The following GRM7 variants were observed in gnomAD, a reference collection of about 807,000 sequenced individuals.
GRM7 encodes glutamate metabotropic receptor 7, also known as metabotropic glutamate receptor 7.
In GRM7, 35 loss-of-function variants were observed where a neutral mutation model predicts 84.5. The ratio of observed to expected loss-of-function variants is 0.41; its 90% CI spans 0.32 to 0.55. The LOEUF (loss-of-function observed/expected upper bound fraction) is 0.55, where lower values mean the gene tolerates loss of function less well. Among genes scored for constraint, GRM7 ranks in the 20% least tolerant of loss-of-function variants. The pLI, the probability that GRM7 is intolerant of heterozygous loss-of-function variation, is 0.19. For missense variants in GRM7, 1,003 were observed against 1,194.6 expected (o/e 0.84, Z 2.36); for synonymous variants, 487 against 455.1 (o/e 1.07, Z -0.89).
chr3:7,091,440 G>A (rs960062253), intron 1 of GRM7, among the ~76,000 whole-genome samples: 7 of 151,948 alleles, frequency 4.6e-5, no homozygotes, highest in Non-Finnish European at 8.8e-5. Context: ...CTTGTAAATG[G>A]CTGCAAAGCA....
intron 1 of GRM7, among the ~76,000 whole-genome samples, chr3:7,100,928 C>T (rs1699089372): frequency 6.6e-6 from 1 of 151,656 alleles, no homozygotes; most frequent in Non-Finnish European, 1.5e-5. Flanking sequence ...TGTGCATTAG[C>T]AGTTTGTTTC....
chr3:7,582,278 C>G (rs980340228), intron 8 of GRM7, among the ~76,000 whole-genome samples: 1 of 152,176 alleles, frequency 6.6e-6, no homozygotes, highest in African/African-American at 2.4e-5. Context: ...AGGGAACATA[C>G]AGGCTACCCG....
At chr3:7,131,059 T>G (rs1269491722) in intron 1 of GRM7, among the ~76,000 whole-genome samples, 1 of 152,172 alleles carries the variant, frequency 6.6e-6, no homozygotes, top group East Asian at 1.9e-4. Context: ...TTCCAAAAGC[T>G]TTATTATTTA....
chr3:7,131,391 G>A (rs933489981), intron 1 of GRM7, among the ~76,000 whole-genome samples: 42 of 152,094 alleles, frequency 2.8e-4, no homozygotes, highest in Non-Finnish European at 1.6e-4. Context: ...GAGGTATTTG[G>A]GTCTCAGTAG....
At chr3:7,217,587 C>T (rs1696657204) in intron 2 of GRM7, among the ~76,000 whole-genome samples, 1 of 151,332 alleles carries the variant, frequency 6.6e-6, no homozygotes, top group South Asian at 2.1e-4. Flanking sequence ...ATTGTGTTTT[C>T]CTCATCTGTC....
intron 1 of GRM7, among the ~76,000 whole-genome samples, chr3:7,085,083 T>G (rs1475353375): frequency 6.6e-6 from 1 of 152,150 alleles, no homozygotes; most frequent in African/African-American, 2.4e-5. Context: ...CTGGGTTGCT[T>G]TAGAAGTCCA....
At chr3:6,884,893 C>T (rs1166283544) in intron 1 of GRM7, among the ~76,000 whole-genome samples, 2 of 152,120 alleles carry the variant, frequency 1.3e-5, no homozygotes, top group South Asian at 2.1e-4. Context: ...CCACCGCGCC[C>T]GGCCAGACAC....
At chr3:7,222,369 G>C (rs7648361) in intron 2 of GRM7, among the ~76,000 whole-genome samples, 2,496 of 152,020 alleles carry the variant, frequency 0.016, 51 homozygotes, top group African/African-American at 0.048. Flanking sequence ...CCCCCACCGC[G>C]AACTGACTTT....
At chr3:7,656,543 GCGCGCACACACA>G (rs1385538246) in intron 8 of GRM7, among the ~76,000 whole-genome samples, 23 of 119,972 alleles carry the variant, frequency 1.9e-4, no homozygotes, top group Admixed American at 7.1e-4. Context: ...ATATATACGC[GCGCGCACACACA>G]CACACACACA....
intron 7 of GRM7, among the ~76,000 whole-genome samples, chr3:7,492,270 G>T (rs965175134): frequency 1.3e-5 from 2 of 152,094 alleles, no homozygotes; most frequent in African/African-American, 4.8e-5. Context: ...TCTAAAACAG[G>T]CAAAATTGGT....
At chr3:7,701,087 G>A (rs1381524422) in intron 9 of GRM7, among the ~76,000 whole-genome samples, 1 of 152,128 alleles carries the variant, frequency 6.6e-6, no homozygotes, top group Non-Finnish European at 1.5e-5. Flanking sequence ...GGAGACTGCC[G>A]ATATATGATG....
rs192665817 is a variant in GRM7, at chr3:7,025,480, T to A, written c.520-120972T>A. Among the ~76,000 whole-genome samples the A allele has an allele frequency of 3.9e-5, 6 of 152,300 alleles. No homozygotes were observed. In the East Asian group the frequency reaches 1.2e-3, roughly 29 times the overall value. On this transcript the variant is annotated intron_variant, in intron 1 of 9. Coordinates refer to ENST00000357716, the MANE Select transcript of GRM7 (RefSeq NM_000844.4). The stretch of plus-strand genomic sequence containing the variant: ...GACTATAGAAATCCCATTGTACAGA[T>A]CTGGGAACAGATCTGCAGAAGTGTC...
At chr3:7,256,749 A>C (rs1698219445) in intron 2 of GRM7, among the ~76,000 whole-genome samples, 1 of 152,212 alleles carries the variant, frequency 6.6e-6, no homozygotes. Flanking sequence ...TGCAAAGATG[A>C]ATAAGTATGG....
intron 9 of GRM7, among the ~76,000 whole-genome samples, chr3:7,695,520 A>C (rs977954542): frequency 2.0e-5 from 3 of 152,314 alleles, no homozygotes; most frequent in African/African-American, 7.2e-5. Flanking sequence ...CAAGTAGTGA[A>C]AATGGTCAGG....
In GRM7 at chr3:6,861,781, C is replaced by T. The variant is rs771472331; in HGVS notation, c.393C>T (p.Thr131=). 6 of 1,614,218 alleles carry T rather than the reference C, an allele frequency of 3.7e-6. No homozygotes were observed. The highest frequency in any genetic ancestry group is 4.2e-6 in the Non-Finnish European group (5 of 1,180,050). Residue 131 remains threonine (T), a synonymous_variant, in exon 1 of 10, where the codon ACC becomes ACT. Coordinates refer to ENST00000357716, the MANE Select transcript of GRM7 (RefSeq NM_000844.4). This position sits in a 1 kb window ranked among gnomAD's most constrained non-coding sequence, Gnocchi z 6.4. The part of the protein sequence containing the change: ...TFVQALIQKD[T]SDVRCTNGEP... ...TCCAGGCGCTCATCCAGAAGGACAC[C>T]TCCGACGTGCGCTGCACCAACGGCG...
chr3:7,043,672 CCT>C (rs1696706678), intron 1 of GRM7, among the ~76,000 whole-genome samples: 1 of 152,186 alleles, frequency 6.6e-6, no homozygotes, highest in Non-Finnish European at 1.5e-5. Flanking sequence ...TCTCTCCTGA[CCT>C]CTCTGAATCT....
At chr3:7,022,353 A>G (rs565812241) in intron 1 of GRM7, among the ~76,000 whole-genome samples, 15 of 130,736 alleles carry the variant, frequency 1.1e-4, no homozygotes, top group Non-Finnish European at 1.9e-4. Context: ...AAATATATAT[A>G]TATACACACA....
At chr3:7,652,193 G>A (rs1238450941) in intron 8 of GRM7, among the ~76,000 whole-genome samples, 1 of 152,198 alleles carries the variant, frequency 6.6e-6, no homozygotes, top group African/African-American at 2.4e-5. Context: ...ACTGGTACAT[G>A]TTTGAGAGTG....
chr3:7,383,137 G>A (rs935910629), intron 4 of GRM7, among the ~76,000 whole-genome samples: 1 of 152,204 alleles, frequency 6.6e-6, no homozygotes. Context: ...CATTGATCCT[G>A]CAGGAAATAT....
Sources: allele counts gnomAD v4.1 joint callset (sites outside exome capture counted in the v4.1 genomes callset), GRCh38; gene constraint gnomAD v4.1.1; non-coding constraint Gnocchi (gnomAD v3.1); transcripts MANE v1.5; gene names NCBI Gene and HGNC (gene_info 2026-07-23, HGNC 2026-07-21).